Variants in NMNAT1 observed in about 807,000 individuals in gnomAD.
NMNAT1 encodes nicotinamide nucleotide adenylyltransferase 1, also known as nicotinamide/nicotinic acid mononucleotide adenylyltransferase 1.
In NMNAT1, 11 loss-of-function variants were observed where a neutral mutation model predicts 16.7. The ratio of observed to expected loss-of-function variants is 0.66; its 90% CI spans 0.41 to 1.09. The LOEUF is 1.09. Ranked by LOEUF, NMNAT1 falls within the 50% of genes least tolerant of loss-of-function variation. NMNAT1 has a pLI of 0.00. For synonymous variants in NMNAT1, 110 were observed against 119.8 expected (o/e 0.92, Z 0.53); for missense variants, 280 against 332.3 (o/e 0.84, Z 1.22).
intron 1 of NMNAT1, among the ~76,000 whole-genome samples, chr1:9,953,121 C>T (rs929672064): frequency 6.6e-6 from 1 of 151,658 alleles, no homozygotes; most frequent in Non-Finnish European, 1.5e-5. Flanking sequence ...GCTGGAACTA[C>T]AGGTGCCCGC....
At chr1:9,994,510 A>C in the NMNAT1 span, among the ~76,000 whole-genome samples, 1 of 152,036 alleles carries the variant, frequency 6.6e-6, no homozygotes, top group Non-Finnish European at 1.5e-5. Context: ...GGCTCACTGC[A>C]ACCTCTGCCT....
At chr1:9,991,460 G>T in the NMNAT1 span, among the ~76,000 whole-genome samples, 12 of 152,032 alleles carry the variant, frequency 7.9e-5, no homozygotes, top group Non-Finnish European at 1.5e-4. Context: ...GTGAGCCACC[G>T]CACCAAGCCT....
chr1:9,973,747 G>T (rs547766751), intron 2 of NMNAT1, among the ~76,000 whole-genome samples: 1 of 150,360 alleles, frequency 6.7e-6, no homozygotes, highest in Admixed American at 6.8e-5. Context: ...TGAATAGGCT[G>T]GGCGTGGTGG....
At chr1:9,944,772 TTC>T (rs1176711172) in intron 1 of NMNAT1, among the ~76,000 whole-genome samples, 13 of 152,364 alleles carry the variant, frequency 8.5e-5, no homozygotes, top group Non-Finnish European at 1.3e-4. Context: ...TTTCACTTAG[TTC>T]TGTCTGATTA....
chr1:9,989,424 C>A (rs143108738), downstream of NMNAT1, among the ~76,000 whole-genome samples: 105 of 152,074 alleles, frequency 6.9e-4, no homozygotes, highest in African/African-American at 2.3e-3. Context: ...CGCCACTACA[C>A]TCCAGCCTAG....
At chr1:9,986,382 G>A (rs980085986), downstream of NMNAT1, among the ~76,000 whole-genome samples, 1 of 152,208 alleles carries the variant, frequency 6.6e-6, no homozygotes, top group Non-Finnish European at 1.5e-5. Flanking sequence ...ATACTTCAGT[G>A]TGAGGAATGC....
At chr1:9,987,061 G>A (rs1642053725), downstream of NMNAT1, among the ~76,000 whole-genome samples, 1 of 151,988 alleles carries the variant, frequency 6.6e-6, no homozygotes, top group African/African-American at 2.4e-5. Context: ...ATACGGGCGT[G>A]GTGGCGGGCA....
chr1:9,968,267 TTTC>T (rs1440608569), intron 1 of NMNAT1, among the ~76,000 whole-genome samples: 1 of 150,310 alleles, frequency 6.7e-6, no homozygotes, highest in African/African-American at 2.4e-5. Flanking sequence ...AGAGATGGGG[TTTC>T]ACCATGTTAG....
Position 9,953,371 on chromosome 1 carries a change from G to C in NMNAT1, c.-57+9856G>C, listed in dbSNP as rs185520523. Among the ~76,000 whole-genome samples, 48 of 151,008 alleles carry C rather than the reference G, an allele frequency of 3.2e-4. 1 individual carries two copies. The highest frequency in any genetic ancestry group is 1.1e-3 in the African/African-American group (47 of 41,048). On this transcript the variant is annotated intron_variant, in intron 1 of 4. Transcript: ENST00000377205. ...AGCTCACTGCATCCTCTGCCTCCCA[G>C]GCTCAAGTGATTCTCCTGCTCCAGC...
intron 3 of NMNAT1, among the ~76,000 whole-genome samples, chr1:9,978,885 C>T (rs1641872765): frequency 6.6e-6 from 1 of 152,170 alleles, no homozygotes; most frequent in African/African-American, 2.4e-5. Context: ...AGGCCTCAGG[C>T]CCTTGCCGCT....
chr1:9,944,550 G>A (rs12059092), intron 1 of NMNAT1, among the ~76,000 whole-genome samples: 13,224 of 152,088 alleles, frequency 0.087, 805 homozygotes, highest in East Asian at 0.21. Flanking sequence ...AACAAGAGCT[G>A]TGTTGCCCAG....
At chr1:9,957,338 AT>A (rs139716809) in intron 1 of NMNAT1, among the ~76,000 whole-genome samples, 49 of 117,238 alleles carry the variant, frequency 4.2e-4, no homozygotes, top group African/African-American at 1.1e-3. Flanking sequence ...CTTGTTTACC[AT>A]TTTTTTTTTG....
chr1:9,946,764 T>C (rs768278318), intron 1 of NMNAT1, among the ~76,000 whole-genome samples: 3 of 152,060 alleles, frequency 2.0e-5, no homozygotes, highest in African/African-American at 2.4e-5. Context: ...AGTGTCCTTA[T>C]CAGAAGAGTG....
intron 1 of NMNAT1, among the ~76,000 whole-genome samples, chr1:9,968,080 G>GTTTTTTTTTTTTTTTTTT (rs6143117): frequency 1.1e-4 from 13 of 117,798 alleles, no homozygotes; most frequent in South Asian, 2.8e-4. Context: ...TTTTTTTTTT[G>GTTTTTTTTTTTTTTTTTT]TTTTTTTTTG....
At chr1:9,993,489 A>G in the NMNAT1 span, among the ~76,000 whole-genome samples, 1 of 152,088 alleles carries the variant, frequency 6.6e-6, no homozygotes, top group Admixed American at 6.6e-5. Context: ...AAAAAAAAGA[A>G]AAGAAAAAAG....
At chr1:9,992,598 G>A in the NMNAT1 span, among the ~76,000 whole-genome samples, 5 of 152,012 alleles carry the variant, frequency 3.3e-5, no homozygotes, top group African/African-American at 1.2e-4. Flanking sequence ...CCTCTCCATG[G>A]AGACCATGAC....
At position 9,982,311 on chromosome 1, in the gene NMNAT1, G is replaced by A; in HGVS notation, c.450G>A (p.Lys150=). 1.2e-6 allele frequency: 2 copies of A among 1,611,838 alleles called. No homozygotes were observed. The highest frequency in any genetic ancestry group is 1.7e-6 in the Non-Finnish European group (2 of 1,178,552). ...TTTTATTCTTCCCAGCTGTGCCAAA[G>A]GTCAAGCTGCTGTGTGGGGCAGATT... ...SLEPKTKAVP[K]VKLLCGADLL... is the part of the protein sequence containing the mutation. Residue 150 remains lysine (K), a synonymous_variant, in exon 5 of 5, where the codon AAG becomes AAA. Transcript: ENST00000377205.
rs573511836 is a variant in NMNAT1 at position 9,984,777 on chromosome 1, A to G, written c.*2076A>G. On this transcript the variant is annotated 3_prime_UTR_variant, in exon 5 of 5. Transcript: ENST00000377205. ...GTAAAAGTCCTTGATTGGCATCTTC[A>G]TTCGGATGATGGAGAGCCTTTGTGG... The G allele has an allele frequency of 6.6e-6, 1 of 152,174 alleles. No individual in the cohort carries two copies. Among genetic ancestry groups the G allele is most frequent in the South Asian group, 2.1e-4 (1 of 4,830 alleles). The allele number at this position is 152,174 out of a possible 1,614,324, so 9.4% of individuals were successfully genotyped here.
rs1048241611 is a variant in NMNAT1, at chr1:9,982,826, G to T, written c.*125G>T. ...AAAGCTTAAAAGTTTAGTAAAAATCGTCTGGGCACAGTGGCTCACGCCTGT... is the reference window on the plus strand; with the variant it reads ...AAAGCTTAAAAGTTTAGTAAAAATCTTCTGGGCACAGTGGCTCACGCCTGT... On this transcript the variant is annotated 3_prime_UTR_variant, in exon 5 of 5. Transcript: ENST00000377205. The T allele has an allele frequency of 8.3e-6, 9 of 1,083,080 alleles. No individual in the cohort carries two copies. The highest frequency in any genetic ancestry group is 1.2e-5 in the Non-Finnish European group (9 of 768,908). The allele number at this position is 1,083,080 out of a possible 1,614,324, so 67.1% of individuals were successfully genotyped here.
Sources: allele counts gnomAD v4.1 joint callset (sites outside exome capture counted in the v4.1 genomes callset), GRCh38; gene constraint gnomAD v4.1.1; transcripts MANE v1.5; gene names NCBI Gene and HGNC (gene_info 2026-07-23, HGNC 2026-07-21).